Variants in HEATR9 observed in about 807,000 individuals in gnomAD.
HEATR9 encodes the protein protein HEATR9.
In HEATR9, 54 loss-of-function variants were observed where a neutral mutation model predicts 68.2. That is an observed-to-expected ratio of 0.79 (90% confidence interval 0.64 to 0.99). The LOEUF is 0.99. Ranked by LOEUF, HEATR9 falls within the 50% of genes least tolerant of loss-of-function variation. The probability of loss-of-function intolerance (pLI) is 0.00; values close to 1 mark genes in which losing one functional copy is unlikely to be tolerated. For missense variants in HEATR9, 662 were observed against 679.7 expected, an observed-to-expected ratio of 0.97 and a Z score of 0.29; for synonymous variants, 241 against 253.5, an observed-to-expected ratio of 0.95 and a Z score of 0.47.
intron 10 of HEATR9, 34 bp downstream of exon 10, chr17:35,858,399 G>A (rs200249075): frequency 1.7e-5 from 28 of 1,613,674 alleles, no homozygotes; most frequent in African/African-American, 6.7e-5. Flanking sequence ...TCCTAGTGCC[G>A]GGAAAGGAAG....
chr17:35,857,619 C>T (rs1277855529), intron 11 of HEATR9, among the ~76,000 whole-genome samples: 5 of 151,876 alleles, frequency 3.3e-5, no homozygotes, highest in African/African-American at 4.8e-5. Flanking sequence ...ATTAGCTAGG[C>T]GTGGTTGCGG....
intron 10 of HEATR9, 35 bp downstream of exon 10, chr17:35,858,398 C>T (rs775964469): frequency 1.3e-5 from 21 of 1,613,614 alleles, no homozygotes; most frequent in East Asian, 1.1e-4. Flanking sequence ...ATCCTAGTGC[C>T]GGGAAAGGAA....
At position 35,855,360 on chromosome 17, in the gene HEATR9, G is replaced by A. The variant is rs769157176; in HGVS notation, c.1416C>T (p.Asn472=). Residue 472 remains asparagine, a synonymous_variant, in exon 15 of 15, where the codon AAC becomes AAT. Coordinates refer to ENST00000604834, the MANE Select transcript of HEATR9 (RefSeq NM_152781.4). ...LCASIDPWIQ[N]KLKNKVLSVY... is the part of the protein sequence containing the mutation. ...CAGAGAGAACCTTGTTTTTCAGCTT[G>A]TTTTGGATCCAGGGATCAATTGAGG... is the stretch of plus-strand genomic sequence containing the variant. The A allele has an allele frequency of 6.2e-7, 1 of 1,614,112 alleles. No individual in the cohort carries two copies. The highest frequency in any genetic ancestry group is 8.5e-7 in the Non-Finnish European group (1 of 1,180,004).
chr17:35,861,677 C>A (rs1404940530), intron 8 of HEATR9: 2 of 550,502 alleles, frequency 3.6e-6, no homozygotes, highest in East Asian at 3.2e-5. Context: ...GTAAGGCTAA[C>A]CCACTCACTT....
intron 13 of HEATR9, 59 bp from the exon 14 acceptor site, chr17:35,855,809 C>G (rs2087750466): frequency 1.5e-6 from 2 of 1,373,614 alleles, no homozygotes; most frequent in Non-Finnish European, 2.1e-6. Context: ...ACCTTATACT[C>G]TTTCCCATTC....
intron 6 of HEATR9, 183 bp downstream of exon 6, chr17:35,864,063 G>C (rs562826838): frequency 1.1e-4 from 63 of 591,870 alleles, no homozygotes; most frequent in Non-Finnish European, 1.6e-4. Context: ...CTATCTTTTA[G>C]ATCCAGCTGC....
intron 8 of HEATR9, among the ~76,000 whole-genome samples, chr17:35,860,596 TCTC>T (rs1226580567): frequency 2.0e-5 from 3 of 148,960 alleles, no homozygotes; most frequent in Non-Finnish European, 4.5e-5. Context: ...TTCACGCCAT[TCTC>T]CTGCCTCAGC....
intron 4 of HEATR9, 92 bp from the exon 5 acceptor site, chr17:35,864,645 T>A: frequency 6.3e-7 from 1 of 1,584,226 alleles, no homozygotes. Context: ...TCCCTTTTCC[T>A]ACCCTACCTC....
In HEATR9 at chr17:35,855,017, A is replaced by G; in HGVS notation, c.*46T>C. The stretch of plus-strand genomic sequence containing the variant: ...GATTGTTTTCTCATGGGAGCCTGAG[A>G]AGCATCTTCAGGGAGGGAGTCGGGG... On this transcript the variant is annotated 3_prime_UTR_variant, in exon 15 of 15. Transcript: ENST00000604834. 1.4e-6 allele frequency: 2 copies of G among 1,462,892 alleles called. No homozygotes were observed. Among genetic ancestry groups the G allele is most frequent in the Non-Finnish European group, 1.9e-6 (2 of 1,057,054 alleles). The allele number at this position is 1,462,892 out of a possible 1,614,324, so 90.6% of individuals were successfully genotyped here. A position where few individuals can be genotyped will look rare whatever the true frequency, so the allele number is the denominator to read the frequency against.
rs557429834 is a variant in HEATR9, at chr17:35,861,241, G to A, written c.756+1754C>T. 3.2e-5 allele frequency: 50 copies of A among 1,555,152 alleles called. No homozygotes were observed. In the Admixed American group the frequency reaches 3.5e-4, roughly 11 times the overall value. On this transcript the variant is annotated intron_variant, in intron 8 of 14. Coordinates refer to ENST00000604834, the MANE Select transcript of HEATR9 (RefSeq NM_152781.4). ...CTCTTTATTTTTCTACAATCTGTTC[G>A]TTATAAATTTAGCTTGACGTTTCTG...
At chr17:35,863,147 G>T in intron 7 of HEATR9, 22 bp from the exon 8 acceptor site, 1 of 1,612,944 alleles carries the variant, frequency 6.2e-7, no homozygotes, top group East Asian at 2.2e-5. Context: ...GGGGCCTCAA[G>T]TCAGGGCAGA....
intron 6 of HEATR9, 49 bp downstream of exon 6, chr17:35,864,197 T>C: frequency 2.0e-6 from 3 of 1,516,682 alleles, no homozygotes; most frequent in South Asian, 2.2e-5. Flanking sequence ...GCCACACATC[T>C]CAGACCCTGT....
chr17:35,861,692 T>TA, intron 8 of HEATR9: 1 of 526,888 alleles, frequency 1.9e-6, no homozygotes, highest in East Asian at 3.4e-5. Flanking sequence ...TCACTTTCTT[T>TA]ATGTCTTTGC....
At chr17:35,864,716 C>G in intron 4 of HEATR9, 42 bp downstream of exon 4, 2 of 1,611,952 alleles carry the variant, frequency 1.2e-6, no homozygotes, top group Non-Finnish European at 1.7e-6. Context: ...AGGGCACCCA[C>G]AGGGAGGGAG....
intron 13 of HEATR9, 98 bp from the exon 14 acceptor site, chr17:35,855,848 G>A (rs1256926135): frequency 9.9e-7 from 1 of 1,006,706 alleles, no homozygotes; most frequent in East Asian, 2.4e-5. Context: ...CTGCAGCATA[G>A]AGAGGGGGGA....
intron 7 of HEATR9, 123 bp from the exon 8 acceptor site, chr17:35,863,248 C>A (rs891784165): frequency 3.0e-6 from 4 of 1,315,968 alleles, no homozygotes; most frequent in East Asian, 2.3e-5. Flanking sequence ...CACAGTGTTG[C>A]TCATCTTCCC....
At chr17:35,864,473 T>C in intron 5 of HEATR9, 24 bp downstream of exon 5, 8 of 1,610,050 alleles carry the variant, frequency 5.0e-6, no homozygotes, top group Non-Finnish European at 6.8e-6. Flanking sequence ...GTAACCACCC[T>C]CCTCTATCCT....
rs1403553220 is a variant in HEATR9, at chr17:35,860,466, ATTTATTTATTTAT to A, written c.757-1409_757-1397del. Among the ~76,000 whole-genome samples the A allele has an allele frequency of 2.8e-3, 362 of 129,896 alleles. 2 individuals are homozygous for A. Among genetic ancestry groups the A allele is most frequent in the African/African-American group, 8.9e-3 (277 of 31,264 alleles). 85.2% of individuals were successfully genotyped at this position (129,896 alleles called of 152,430 possible). A position where few individuals can be genotyped will look rare whatever the true frequency, so the allele number is the denominator to read the frequency against. ...AGTCCTTATTTTTATTTATTTATTT[ATTTATTTATTTAT>A]TTTATTTATTTATTTATTTATTTAT... On this transcript the variant is annotated intron_variant, in intron 8 of 14. Coordinates refer to ENST00000604834, the MANE Select transcript of HEATR9 (RefSeq NM_152781.4).
chr17:35,857,714 G>A lies in HEATR9; in HGVS notation c.1152+486C>T, dbSNP rs979170533. ...GCAGAGCTTGCAGTGAGCCAAGATC[G>A]CGCCACTGCACTCCAGCCTGGGCAA... is the stretch of plus-strand genomic sequence containing the variant. On this transcript the variant is annotated intron_variant, in intron 11 of 14. Coordinates refer to ENST00000604834, the MANE Select transcript of HEATR9 (RefSeq NM_152781.4). Among the ~76,000 whole-genome samples, 7 of 151,840 alleles carry A rather than the reference G, an allele frequency of 4.6e-5. No homozygotes were observed. In the South Asian group the frequency reaches 6.2e-4, roughly 14 times the overall value.
Sources: allele counts gnomAD v4.1 joint callset (sites outside exome capture counted in the v4.1 genomes callset), GRCh38; gene constraint gnomAD v4.1.1; transcripts MANE v1.5; gene names NCBI Gene and HGNC (gene_info 2026-07-23, HGNC 2026-07-21).